KALRN: variants seen among roughly 807,000 people sequenced by gnomAD.
KALRN encodes kalirin RhoGEF kinase.
Under a neutral mutation model 353.7 loss-of-function variants are expected in KALRN, and 70 were observed. The ratio of observed to expected loss-of-function variants is 0.20; its 90% CI spans 0.16 to 0.24. The LOEUF is 0.24. Ranked by LOEUF, KALRN falls within the 10% of genes least tolerant of loss-of-function variation. The probability of loss-of-function intolerance (pLI) is 1.00; values close to 1 mark genes in which losing one functional copy is unlikely to be tolerated. For missense variants in KALRN, 2,791 were observed against 3,756.7 expected (o/e 0.74, Z 6.72); for synonymous variants, 1,391 against 1,434.8 (o/e 0.97, Z 0.69).
At chr3:124,537,337 T>C (rs138870742) in intron 33 of KALRN, among the ~76,000 whole-genome samples, 135 of 152,320 alleles carry the variant, frequency 8.9e-4, no homozygotes, top group African/African-American at 3.1e-3. Flanking sequence ...CCACCATGCC[T>C]GGCCAAGAGA....
chr3:124,650,086 C>T (rs1421267473), intron 37 of KALRN, among the ~76,000 whole-genome samples: 1 of 152,076 alleles, frequency 6.6e-6, no homozygotes, highest in Admixed American at 6.6e-5. Context: ...CACTGTGTAT[C>T]CACACTACTT....
intron 43 of KALRN, 38 bp from the exon 44 acceptor site, chr3:124,660,885 C>T: frequency 2.1e-6 from 3 of 1,453,696 alleles, no homozygotes; most frequent in South Asian, 1.1e-5. Flanking sequence ...CTAATTTTAC[C>T]CCTTCCCACA....
chr3:124,253,314 A>G (rs1312749707), intron 3 of KALRN, among the ~76,000 whole-genome samples: 1 of 152,204 alleles, frequency 6.6e-6, no homozygotes, highest in African/African-American at 2.4e-5. Context: ...CTTTCTCCTC[A>G]AATTTGGAAG....
At chr3:124,697,240 G>A (rs979097306) in intron 54 of KALRN, among the ~76,000 whole-genome samples, 3 of 152,216 alleles carry the variant, frequency 2.0e-5, no homozygotes, top group Non-Finnish European at 4.4e-5. Flanking sequence ...TGCGACCTGG[G>A]GGAGAAAATG....
intron 13 of KALRN, among the ~76,000 whole-genome samples, chr3:124,408,672 T>C (rs994288134): frequency 6.6e-6 from 1 of 152,136 alleles, no homozygotes; most frequent in African/African-American, 2.4e-5. Context: ...TTTCCAATGT[T>C]GCAGGTGATA....
At chr3:124,596,729 A>T (rs2076300851) in intron 34 of KALRN, among the ~76,000 whole-genome samples, 1 of 152,200 alleles carries the variant, frequency 6.6e-6, no homozygotes, top group African/African-American at 2.4e-5. Context: ...AAATCTAGGT[A>T]GGTGTTGGAT....
At chr3:124,282,227 C>A (rs147136105) in intron 5 of KALRN, among the ~76,000 whole-genome samples, 176 of 152,068 alleles carry the variant, frequency 1.2e-3, no homozygotes, top group African/African-American at 4.1e-3. Flanking sequence ...GGGAACAATT[C>A]CCGAAGACAT....
chr3:124,359,695 A>G (rs1165228764), intron 10 of KALRN, among the ~76,000 whole-genome samples: 2 of 152,170 alleles, frequency 1.3e-5, no homozygotes, highest in African/African-American at 2.4e-5. Flanking sequence ...TAATATATGG[A>G]AAGTACCTAA....
chr3:124,595,638 C>T (rs574051125), intron 34 of KALRN, among the ~76,000 whole-genome samples: 1 of 152,170 alleles, frequency 6.6e-6, no homozygotes, highest in South Asian at 2.1e-4. Flanking sequence ...GAAATAGTTC[C>T]AGAATCAAAG....
intron 13 of KALRN, among the ~76,000 whole-genome samples, chr3:124,400,674 G>GT (rs748587344): frequency 2.6e-5 from 4 of 152,114 alleles, no homozygotes; most frequent in Non-Finnish European, 4.4e-5. Context: ...AAAAGAGAGG[G>GT]TATGGGTCAT....
At chr3:124,151,258 A>G (rs2068071305) in intron 1 of KALRN, among the ~76,000 whole-genome samples, 1 of 152,192 alleles carries the variant, frequency 6.6e-6, no homozygotes, top group Admixed American at 6.5e-5. Flanking sequence ...AACACTGCCA[A>G]AAAGTTTTCC....
intron 1 of KALRN, among the ~76,000 whole-genome samples, chr3:124,205,755 C>T (rs2076357774): frequency 6.6e-6 from 1 of 152,148 alleles, no homozygotes; most frequent in African/African-American, 2.4e-5. Context: ...ATATCGCTCT[C>T]TAAAATTTAC....
At chr3:124,468,969 C>A (rs779015066) in intron 25 of KALRN, among the ~76,000 whole-genome samples, 1 of 152,210 alleles carries the variant, frequency 6.6e-6, no homozygotes, top group Non-Finnish European at 1.5e-5. Context: ...CTAAACACTT[C>A]GTTTGGATGT....
At chr3:124,664,067 C>T (rs2085240612) in intron 45 of KALRN, among the ~76,000 whole-genome samples, 1 of 152,174 alleles carries the variant, frequency 6.6e-6, no homozygotes, top group Admixed American at 6.5e-5. Flanking sequence ...ACTCGGCAGA[C>T]ACACACTGAG....
chr3:124,117,991 G>A lies in KALRN; in HGVS notation c.73+84178G>A, dbSNP rs567339880. On this transcript the variant is annotated intron_variant, in intron 1 of 59. Coordinates refer to ENST00000682506, the MANE Select transcript of KALRN (RefSeq NM_001388419.1). ...AAATGACATTTAATTAATGTTGAACGTAAAATCTCTTTGGGTTTTAAGCTG... is the reference window on the plus strand; with the variant it reads ...AAATGACATTTAATTAATGTTGAACATAAAATCTCTTTGGGTTTTAAGCTG... 5.9e-5 allele frequency among the ~76,000 whole-genome samples: 9 copies of A among 152,266 alleles called. No homozygotes were observed. The East Asian group carries it at 9.6e-4, about 16-fold the overall frequency.
chr3:124,434,417 G>T lies in KALRN; in HGVS notation c.2940G>T (p.Arg980=), dbSNP rs749358975. The T allele has an allele frequency of 6.2e-7, 1 of 1,614,226 alleles. No homozygotes were observed. Among genetic ancestry groups the T allele is most frequent in the South Asian group, 1.1e-5 (1 of 91,086 alleles). The change falls in exon 17 of 60, where the codon CGG becomes CGT. Residue 980 remains arginine (R), a synonymous_variant. Transcript: ENST00000682506. ...GCCACTACGATGCCGATGCCATCCG[G>T]GAATGTGCTGAGAAGGTGGCCCTCC... ...QAGHYDADAI[R]ECAEKVALHW... is the part of the protein sequence containing the mutation.
chr3:124,584,633 G>T, intron 34 of KALRN: 1 of 1,409,420 alleles, frequency 7.1e-7, no homozygotes, highest in Middle Eastern at 2.6e-4. Context: ...TCCCCGCCTG[G>T]CCCCTCCCCG....
intron 17 of KALRN, among the ~76,000 whole-genome samples, chr3:124,438,448 A>G (rs1460908488): frequency 6.6e-6 from 1 of 152,058 alleles, no homozygotes; most frequent in Non-Finnish European, 1.5e-5. Context: ...AACATAGGCA[A>G]CTTCCTCCTT....
At position 124,266,115 on chromosome 3, in the gene KALRN, A is replaced by G. The variant is rs189168276; in HGVS notation, c.456+1425A>G. On this transcript the variant is annotated intron_variant, in intron 4 of 59. Transcript: ENST00000682506. ...GGGTGACAGAGCGAAACTCCTCAAA[A>G]AACAAAACAAAATAAACAAACAAAC... is the stretch of plus-strand genomic sequence containing the variant. Among the ~76,000 whole-genome samples, 53 of 152,334 alleles carry G rather than the reference A, an allele frequency of 3.5e-4. 1 individual carries two copies. Among genetic ancestry groups the G allele is most frequent in the Admixed American group, 3.5e-3 (53 of 15,304 alleles).
Sources: allele counts gnomAD v4.1 joint callset (sites outside exome capture counted in the v4.1 genomes callset), GRCh38; gene constraint gnomAD v4.1.1; transcripts MANE v1.5; gene names NCBI Gene and HGNC (gene_info 2026-07-23, HGNC 2026-07-21).